LUZP2: variants seen among roughly 807,000 people sequenced by gnomAD.
LUZP2 encodes the protein leucine zipper protein 2.
In LUZP2, 52 loss-of-function variants were observed where a neutral mutation model predicts 51.6. That is an observed-to-expected ratio of 1.01 (90% CI 0.81 to 1.27). LUZP2 has a LOEUF of 1.27. Among genes scored for constraint, LUZP2 ranks in the 50% most tolerant of loss-of-function variants. The pLI is 0.00. For missense variants in LUZP2, 436 were observed against 395.4 expected, an observed-to-expected ratio of 1.10 and a Z score of -0.87; for synonymous variants, 154 against 137.3, an observed-to-expected ratio of 1.12 and a Z score of -0.85.
chr11:24,765,342 T>C (rs1860141625), intron 5 of LUZP2, among the ~76,000 whole-genome samples: 1 of 152,148 alleles, frequency 6.6e-6, no homozygotes, highest in South Asian at 2.1e-4. Context: ...CAGATACAAA[T>C]AAATTTCTGG....
chr11:24,788,441 G>A (rs974132999), intron 5 of LUZP2, among the ~76,000 whole-genome samples: 1 of 151,868 alleles, frequency 6.6e-6, no homozygotes, highest in South Asian at 2.1e-4. Context: ...ACCCACCTCG[G>A]CCTCCCAAAG....
At chr11:25,074,782 A>G (rs1461852812) in intron 10 of LUZP2, among the ~76,000 whole-genome samples, 1 of 150,558 alleles carries the variant, frequency 6.6e-6, no homozygotes, top group Admixed American at 6.6e-5. Flanking sequence ...GGACAGAATT[A>G]TCACCCTGGT....
chr11:24,872,476 G>A (rs1234770451), intron 5 of LUZP2, among the ~76,000 whole-genome samples: 2 of 152,072 alleles, frequency 1.3e-5, no homozygotes, highest in East Asian at 3.9e-4. Context: ...CATTCAAGGG[G>A]ATTAAAATAT....
intron 4 of LUZP2, among the ~76,000 whole-genome samples, chr11:24,754,552 C>T (rs1859703740): frequency 1.3e-5 from 2 of 152,160 alleles, no homozygotes; most frequent in South Asian, 4.1e-4. Flanking sequence ...ACAGCACTTA[C>T]CATAACCTGA....
At chr11:24,907,354 C>A (rs923453894) in intron 6 of LUZP2, among the ~76,000 whole-genome samples, 5 of 149,330 alleles carry the variant, frequency 3.3e-5, no homozygotes, top group Non-Finnish European at 7.4e-5. Flanking sequence ...ATGTAACAAT[C>A]CATTTTATAA....
chr11:24,622,643 A>C (rs1314678741), intron 1 of LUZP2, among the ~76,000 whole-genome samples: 1 of 152,174 alleles, frequency 6.6e-6, no homozygotes, highest in East Asian at 1.9e-4. Flanking sequence ...ATCTGACTAA[A>C]GTGCTTATTA....
intron 1 of LUZP2, among the ~76,000 whole-genome samples, chr11:24,682,243 C>A (rs1261733259): frequency 6.6e-6 from 1 of 151,920 alleles, no homozygotes; most frequent in Non-Finnish European, 1.5e-5. Context: ...ACCTGTAATC[C>A]CAGCACTTTG....
chr11:25,077,184 T>G, intron 10 of LUZP2, 145 bp from the exon 11 acceptor site: 2 of 646,854 alleles, frequency 3.1e-6, no homozygotes, highest in East Asian at 3.2e-5. Flanking sequence ...TGGTGATTAT[T>G]TTTGTCCCTA....
At chr11:24,499,781 A>G (rs1165664756) in intron 1 of LUZP2, among the ~76,000 whole-genome samples, 2 of 147,872 alleles carry the variant, frequency 1.4e-5, no homozygotes, top group African/African-American at 2.6e-5. Context: ...ATATATATAT[A>G]TTTGTTTCAT....
chr11:24,502,806 C>G (rs1373084371), intron 1 of LUZP2, among the ~76,000 whole-genome samples: 1 of 152,040 alleles, frequency 6.6e-6, no homozygotes, highest in Non-Finnish European at 1.5e-5. Flanking sequence ...TGTTTGTATA[C>G]CTAATTAAAA....
At position 24,976,606 on chromosome 11, in the gene LUZP2, G is replaced by C. The variant is rs746580810; in HGVS notation, c.538G>C (p.Asp180His). The change falls in exon 8 of 12, where the codon GAT becomes CAT. Residue 180 changes from aspartate (D) to histidine (H), a missense_variant. Physicochemically the swap from Asp to His is moderately conservative, Grantham distance 81. Transcript: ENST00000336930. ...TATTTTACAGGCGCAGCAGCTTACT[G>C]ATCTGGAACAAAAATTAGCTGTAGC... Reference protein sequence around the residue: ...DLLFKAQQLTDLEQKLAVAKN... With the variant: ...DLLFKAQQLTHLEQKLAVAKN... 2.7e-5 allele frequency: 42 copies of C among 1,583,870 alleles called. No homozygotes were observed. The highest frequency in any genetic ancestry group is 3.6e-5 in the Admixed American group (2 of 54,884).
chr11:24,845,831 T>G lies in LUZP2; in HGVS notation c.397-60160T>G, dbSNP rs180855505. ...CATGATTGTGAGACCTCCCCAGCCA[T>G]GTGGAACCATAAGTCTACGAAGCCT... is the stretch of plus-strand genomic sequence containing the variant. On this transcript the variant is annotated intron_variant, in intron 5 of 11. Coordinates refer to ENST00000336930, the MANE Select transcript of LUZP2 (RefSeq NM_001009909.4). Among the ~76,000 whole-genome samples the G allele has an allele frequency of 7.4e-4, 112 of 152,254 alleles. No individual in the cohort carries two copies. In the East Asian group the frequency reaches 0.021, roughly 29 times the overall value.
intron 8 of LUZP2, among the ~76,000 whole-genome samples, chr11:24,977,612 A>G (rs928161796): frequency 4.0e-5 from 6 of 151,674 alleles, no homozygotes; most frequent in African/African-American, 1.4e-4. Context: ...TATCCATTAC[A>G]TACATGCATT....
At chr11:24,788,933 C>G (rs1849328762) in intron 5 of LUZP2, among the ~76,000 whole-genome samples, 1 of 152,268 alleles carries the variant, frequency 6.6e-6, no homozygotes, top group South Asian at 2.1e-4. Context: ...AAACGCAAAT[C>G]TCATCAAAAA....
intron 5 of LUZP2, among the ~76,000 whole-genome samples, chr11:24,781,991 CTAAG>C (rs1849110141): frequency 6.6e-6 from 1 of 151,976 alleles, no homozygotes; most frequent in South Asian, 2.1e-4. Flanking sequence ...TAAGAAGACT[CTAAG>C]TAAGTGCTTG....
chr11:25,078,743 C>A lies in LUZP2; in HGVS notation c.*85C>A. The stretch of plus-strand genomic sequence containing the variant: ...CACAAGCTTGATGGAAATACTGTTT[C>A]TAAAGCATGCAACTTTTTCACAATT... On this transcript the variant is annotated 3_prime_UTR_variant, in exon 12 of 12. Transcript: ENST00000336930. 1 of 1,029,018 alleles carries A rather than the reference C, an allele frequency of 9.7e-7. No individual in the cohort carries two copies. Among genetic ancestry groups the A allele is most frequent in the Non-Finnish European group, 1.4e-6 (1 of 696,122 alleles). 63.7% of individuals were successfully genotyped at this position (1,029,018 alleles called of 1,614,324 possible).
chr11:24,605,402 C>T (rs986272603), intron 1 of LUZP2, among the ~76,000 whole-genome samples: 1 of 151,454 alleles, frequency 6.6e-6, no homozygotes, highest in East Asian at 1.9e-4. Context: ...ATTACAATGC[C>T]TTGAATCTGA....
In LUZP2 at chr11:25,056,829, C is replaced by T. The variant is rs118073799; in HGVS notation, c.858+6699C>T. On this transcript the variant is annotated intron_variant, in intron 10 of 11. Transcript: ENST00000336930. ...AACACTTTGAGAAATTGCCGGGCGC[C>T]GTGGCTCATGCCTGTAATCCCGGCG... 3.1e-4 allele frequency among the ~76,000 whole-genome samples: 47 copies of T among 152,052 alleles called. 2 individuals carry two copies. The East Asian group carries it at 7.0e-3, about 23-fold the overall frequency.
At position 25,078,615 on chromosome 11, in the gene LUZP2, C is replaced by A. The variant is rs773564969; in HGVS notation, c.998C>A (p.Thr333Asn). ...AAAAAAGCCCCAGAAAAACCATTGA[C>A]CAGCTTTGAAGGGATGGCAGCTAGA... is the stretch of plus-strand genomic sequence containing the variant. ...EVKKAPEKPL[T>N]SFEGMAAREE... is the part of the protein sequence containing the mutation. The change falls in exon 12 of 12, where the codon ACC (threonine) becomes AAC (asparagine). Residue 333 changes from threonine to asparagine, a missense_variant. By Grantham distance (65) the Thr-to-Asn change is moderately conservative. Coordinates refer to ENST00000336930, the MANE Select transcript of LUZP2 (RefSeq NM_001009909.4). The A allele has an allele frequency of 6.2e-7, 1 of 1,611,976 alleles. No individual in the cohort carries two copies. The highest frequency in any genetic ancestry group is 8.5e-7 in the Non-Finnish European group (1 of 1,179,538).
Sources: allele counts gnomAD v4.1 joint callset (sites outside exome capture counted in the v4.1 genomes callset), GRCh38; gene constraint gnomAD v4.1.1; transcripts MANE v1.5; gene names NCBI Gene and HGNC (gene_info 2026-07-23, HGNC 2026-07-21).